SOX5: variants seen among roughly 807,000 people sequenced by gnomAD.
SOX5 encodes the protein SRY-box transcription factor 5.
A neutral mutation model predicts 92.0 loss-of-function variants in SOX5; 9 were observed. That is an observed-to-expected ratio of 0.10 (90% confidence interval 0.06 to 0.17). SOX5 has a LOEUF of 0.17. Among genes scored for constraint, SOX5 ranks in the 10% least tolerant of loss-of-function variants. The pLI is 1.00. For synonymous variants in SOX5, 344 were observed against 336.3 expected, an observed-to-expected ratio of 1.02 and a Z score of -0.25; for missense variants, 642 against 944.5, an observed-to-expected ratio of 0.68 and a Z score of 4.20.
chr12:23,746,589 A>C (rs1393770551), intron 4 of SOX5, among the ~76,000 whole-genome samples: 2 of 152,174 alleles, frequency 1.3e-5, no homozygotes, highest in Non-Finnish European at 2.9e-5. Context: ...AGACACAAAA[A>C]TATTGTTTCA....
At chr12:24,235,990 C>G (rs1964416482) in intron 3 of SOX5, among the ~76,000 whole-genome samples, 1 of 152,060 alleles carries the variant, frequency 6.6e-6, no homozygotes, top group Non-Finnish European at 1.5e-5. Flanking sequence ...GAAATCAAGA[C>G]AATCCTGGTT....
chr12:24,372,922 T>C (rs1596022052), intron 1 of SOX5, among the ~76,000 whole-genome samples: 1 of 119,912 alleles, frequency 8.3e-6, no homozygotes, highest in Non-Finnish European at 1.7e-5. Flanking sequence ...AAGACCAGCC[T>C]GGGAAAAATG....
At chr12:23,963,513 A>G (rs1947192603) in intron 4 of SOX5, among the ~76,000 whole-genome samples, 2 of 152,156 alleles carry the variant, frequency 1.3e-5, no homozygotes, top group African/African-American at 2.4e-5. Context: ...TGGCATTTCC[A>G]TATAGGAGCA....
At chr12:24,368,904 A>T (rs1956431478) in intron 1 of SOX5, among the ~76,000 whole-genome samples, 1 of 152,314 alleles carries the variant, frequency 6.6e-6, no homozygotes, top group African/African-American at 2.4e-5. Flanking sequence ...GTTTTGGTGG[A>T]AGCAACCCAG....
chr12:23,542,568 T>C (rs553388491), intron 13 of SOX5, among the ~76,000 whole-genome samples: 1 of 152,358 alleles, frequency 6.6e-6, no homozygotes, highest in South Asian at 2.1e-4. Context: ...ATGCGTACTT[T>C]GTTTTCTGTT....
intron 4 of SOX5, among the ~76,000 whole-genome samples, chr12:24,111,563 T>A (rs1415644273): frequency 2.0e-5 from 3 of 152,198 alleles, no homozygotes; most frequent in African/African-American, 7.2e-5. Flanking sequence ...GTTTCTCAAA[T>A]CCATATATTT....
chr12:23,952,226 C>T (rs1007701039), upstream of SOX5, among the ~76,000 whole-genome samples: 1 of 151,818 alleles, frequency 6.6e-6, no homozygotes, highest in Non-Finnish European at 1.5e-5. Flanking sequence ...GAGGAGAGGA[C>T]GCAGAGAGAG....
At chr12:23,539,074 G>C (rs983735075) in intron 13 of SOX5, among the ~76,000 whole-genome samples, 2 of 151,872 alleles carry the variant, frequency 1.3e-5, no homozygotes, top group Non-Finnish European at 2.9e-5. Context: ...CAAAGTGCCG[G>C]GATTACAGGT....
At chr12:23,964,486 T>C (rs1471471718) in intron 4 of SOX5, among the ~76,000 whole-genome samples, 1 of 152,148 alleles carries the variant, frequency 6.6e-6, no homozygotes, top group Non-Finnish European at 1.5e-5. Flanking sequence ...GGCATCAATA[T>C]AGGATACCCA....
intron 4 of SOX5, among the ~76,000 whole-genome samples, chr12:24,148,491 AAAAAAAAAAAAAAG>A (rs1347393334): frequency 1.4e-5 from 2 of 140,216 alleles, no homozygotes; most frequent in Admixed American, 7.2e-5. Context: ...CAAAAAAAAA[AAAAAAAAAAAAAAG>A]AGAGAGAGAG....
intron 4 of SOX5, among the ~76,000 whole-genome samples, chr12:24,075,279 A>C: frequency 2.1e-5 from 1 of 46,872 alleles, no homozygotes; most frequent in African/African-American, 5.1e-5. Context: ...CAAATTATTA[A>C]AAAAAAAAAA....
intron 1 of SOX5, among the ~76,000 whole-genome samples, chr12:24,437,905 C>T (rs1939753868): frequency 6.6e-6 from 1 of 152,130 alleles, no homozygotes; most frequent in South Asian, 2.1e-4. Context: ...CCAGAAATAC[C>T]ATTTGACCCA....
chr12:23,542,949 T>C (rs528712000), intron 13 of SOX5, among the ~76,000 whole-genome samples: 2 of 152,258 alleles, frequency 1.3e-5, no homozygotes, highest in East Asian at 3.9e-4. Context: ...AGTAAAAATA[T>C]TTCTAGATTT....
At chr12:23,904,165 T>C (rs1226694716) in intron 1 of SOX5, among the ~76,000 whole-genome samples, 1 of 152,194 alleles carries the variant, frequency 6.6e-6, no homozygotes, top group Non-Finnish European at 1.5e-5. Context: ...GTCTGTCATA[T>C]ATAATATTCA....
At chr12:23,710,781 G>A (rs2091972816) in intron 6 of SOX5, among the ~76,000 whole-genome samples, 1 of 152,118 alleles carries the variant, frequency 6.6e-6, no homozygotes, top group Non-Finnish European at 1.5e-5. Context: ...GGGTCAAATG[G>A]TATTTCTAGT....
intron 4 of SOX5, among the ~76,000 whole-genome samples, chr12:24,171,306 C>T (rs1384468545): frequency 6.7e-6 from 1 of 149,018 alleles, no homozygotes; most frequent in Non-Finnish European, 1.5e-5. Context: ...TCACTGCAAC[C>T]TCCGCCTCCC....
chr12:23,925,326 T>G (rs938323116), intron 1 of SOX5, among the ~76,000 whole-genome samples: 34 of 152,224 alleles, frequency 2.2e-4, no homozygotes, highest in African/African-American at 7.5e-4. Flanking sequence ...AGAGGGCAAG[T>G]AGTACATCAG....
intron 2 of SOX5, among the ~76,000 whole-genome samples, chr12:23,851,514 T>C (rs2096633495): frequency 6.6e-6 from 1 of 152,146 alleles, no homozygotes; most frequent in Admixed American, 6.5e-5. Context: ...GAACAAGATA[T>C]TGTCAGTTCC....
Position 23,668,036 on chromosome 12 carries a change from G to T in SOX5, c.811-2472C>A, listed in dbSNP as rs539674381. Among the ~76,000 whole-genome samples, 13 of 152,204 alleles carry T rather than the reference G, an allele frequency of 8.5e-5. No individual in the cohort carries two copies. In the East Asian group the frequency reaches 2.3e-3, roughly 27 times the overall value. On this transcript the variant is annotated intron_variant, in intron 6 of 14. Coordinates refer to ENST00000451604, the MANE Select transcript of SOX5 (RefSeq NM_006940.6). Reference sequence around the variant, plus strand: ...CGTGCACAAAGCAGGTAACAATTTTGTTGGTAATTTTTTGTTTAAAAAGCT... The same window carrying T: ...CGTGCACAAAGCAGGTAACAATTTTTTTGGTAATTTTTTGTTTAAAAAGCT...
Sources: gnomAD v4.1 joint callset for allele counts (sites outside exome capture counted in the v4.1 genomes callset) on GRCh38, gnomAD v4.1.1 for gene constraint, MANE v1.5 for transcripts, NCBI Gene and HGNC (gene_info 2026-07-23, HGNC 2026-07-21) for gene names.